The following ENPP1 variants were observed in gnomAD, a reference collection of about 807,000 sequenced individuals.
The protein encoded by ENPP1 is ectonucleotide pyrophosphatase/phosphodiesterase family member 1.
A neutral mutation model predicts 122.8 loss-of-function variants in ENPP1; 73 were observed. That is an observed-to-expected ratio of 0.59 (90% CI 0.49 to 0.72). The LOEUF is 0.72. ENPP1 is among the 30% of genes least tolerant of loss of function. The probability of loss-of-function intolerance (pLI) is 0.00; values close to 1 mark genes in which losing one functional copy is unlikely to be tolerated. For synonymous variants in ENPP1, 367 were observed against 391.6 expected (o/e 0.94, Z 0.74); for missense variants, 978 against 1,128.1 (o/e 0.87, Z 1.91).
chr6:131,811,432 A>ATC (rs1781353069), intron 1 of ENPP1, among the ~76,000 whole-genome samples: 1 of 146,902 alleles, frequency 6.8e-6, no homozygotes, highest in African/African-American at 2.7e-5. Context: ...ATCTATATCT[A>ATC]TATATATGTA....
At position 131,860,044 on chromosome 6, in the gene ENPP1, C is replaced by T. The variant is rs1371643679; in HGVS notation, c.796-343C>T. Among the ~76,000 whole-genome samples the T allele has an allele frequency of 2.0e-5, 3 of 152,142 alleles. No homozygotes were observed. In the East Asian group the frequency reaches 5.8e-4, roughly 29 times the overall value. ...GGGTTTCACCATGTTGGCAAATGGT[C>T]TCCATCTCTTGACCTCGTGATCCGC... is the stretch of plus-strand genomic sequence containing the variant. On this transcript the variant is annotated intron_variant, in intron 7 of 24. Transcript: ENST00000647893.
intron 1 of ENPP1, chr6:131,827,497 C>G: frequency 1.6e-6 from 1 of 628,742 alleles, no homozygotes. Flanking sequence ...AAGATTTCTG[C>G]GAAGGAATAG....
chr6:131,813,896 G>A (rs1008237832), intron 1 of ENPP1, among the ~76,000 whole-genome samples: 49 of 152,110 alleles, frequency 3.2e-4, no homozygotes, highest in African/African-American at 1.0e-3. Context: ...GAGCTGGTTC[G>A]TAGTCTCCTT....
intron 1 of ENPP1, among the ~76,000 whole-genome samples, chr6:131,845,728 G>A (rs1214542400): frequency 6.6e-6 from 1 of 152,014 alleles, no homozygotes; most frequent in Non-Finnish European, 1.5e-5. Context: ...CAAAGTGCCT[G>A]GCCGTTTGTG....
intron 3 of ENPP1, among the ~76,000 whole-genome samples, chr6:131,850,866 C>A (rs2114692231): frequency 6.6e-6 from 1 of 152,274 alleles, no homozygotes; most frequent in Non-Finnish European, 1.5e-5. Flanking sequence ...GTAGAAGAAG[C>A]CAGGTCTACA....
At chr6:131,874,916 A>G (rs1366926017) in intron 16 of ENPP1, among the ~76,000 whole-genome samples, 1 of 152,148 alleles carries the variant, frequency 6.6e-6, no homozygotes, top group Non-Finnish European at 1.5e-5. Flanking sequence ...TTGCAGCAAC[A>G]TGGATGGAAT....
chr6:131,874,751 G>A (rs903569183), intron 16 of ENPP1, among the ~76,000 whole-genome samples: 5 of 151,866 alleles, frequency 3.3e-5, no homozygotes, highest in South Asian at 2.1e-4. Flanking sequence ...TATGTTTATC[G>A]CAGCACTATT....
chr6:131,895,112 T>C lies in ENPP1; in HGVS notation c.*4601T>C, dbSNP rs1172115333. 1.3e-5 allele frequency: 2 copies of C among 152,246 alleles called. No homozygotes were observed. Among genetic ancestry groups the C allele is most frequent in the African/African-American group, 4.8e-5 (2 of 41,456 alleles). The allele number at this position is 152,246 out of a possible 1,614,324, so 9.4% of individuals were successfully genotyped here. Reference sequence around the variant, plus strand: ...AAAGTGTACGGAATATAATTGTCTCTAAGCTAAGAAATGTGGATGTTCAAA... The same window carrying C: ...AAAGTGTACGGAATATAATTGTCTCCAAGCTAAGAAATGTGGATGTTCAAA... On this transcript the variant is annotated 3_prime_UTR_variant, in exon 25 of 25. Transcript: ENST00000647893.
Position 131,891,603 on chromosome 6 carries a change from G to C in ENPP1, c.*1092G>C, listed in dbSNP as rs1299517987. On this transcript the variant is annotated 3_prime_UTR_variant, in exon 25 of 25. Transcript: ENST00000647893. ...ACTGCATTAACTTTTAGGCTACATA[G>C]GTCCAATTGAGGTATAATATCAGTA... The C allele has an allele frequency of 6.6e-6, 1 of 152,032 alleles. No homozygotes were observed. Among genetic ancestry groups the C allele is most frequent in the Admixed American group, 6.6e-5 (1 of 15,262 alleles). 9.4% of individuals were successfully genotyped at this position (152,032 alleles called of 1,614,324 possible). A position where few individuals can be genotyped will look rare whatever the true frequency, so the allele number is the denominator to read the frequency against.
chr6:131,874,956 CA>C (rs1378777798), intron 16 of ENPP1, among the ~76,000 whole-genome samples: 52 of 152,102 alleles, frequency 3.4e-4, no homozygotes, highest in African/African-American at 1.2e-3. Context: ...TGAAATAACT[CA>C]AACAAAAAGC....
intron 1 of ENPP1, among the ~76,000 whole-genome samples, chr6:131,811,376 A>ATATCTATATCTATATCTATATCTATATC (rs1407442478): frequency 4.6e-5 from 6 of 131,280 alleles, no homozygotes; most frequent in Non-Finnish European, 9.4e-5. Flanking sequence ...ATCTATATCT[A>ATATCTATATCTATATCTATATCTATATC]TATATCTATA....
intron 13 of ENPP1, among the ~76,000 whole-genome samples, chr6:131,869,839 G>A (rs1039443128): frequency 3.0e-5 from 4 of 134,020 alleles, no homozygotes; most frequent in African/African-American, 9.1e-5. Flanking sequence ...CTGGGCAACT[G>A]AGTGAGACTT....
At chr6:131,834,693 G>A (rs1781652704) in intron 1 of ENPP1, among the ~76,000 whole-genome samples, 2 of 152,022 alleles carry the variant, frequency 1.3e-5, no homozygotes, top group South Asian at 4.2e-4. Flanking sequence ...ACTACGCCCA[G>A]CTAATTTTTT....
intron 8 of ENPP1, 138 bp downstream of exon 8, chr6:131,860,644 T>C: frequency 1.5e-6 from 1 of 657,500 alleles, no homozygotes; most frequent in South Asian, 1.8e-5. Context: ...TAAATGGAGA[T>C]GAATGCTGAT....
At chr6:131,845,247 G>A (rs369460997) in intron 1 of ENPP1, among the ~76,000 whole-genome samples, 1 of 151,090 alleles carries the variant, frequency 6.6e-6, no homozygotes, top group Admixed American at 6.6e-5. Context: ...TGGCCAGGCT[G>A]GTCTTTAACT....
intron 9 of ENPP1, among the ~76,000 whole-genome samples, chr6:131,864,103 A>G (rs962692001): frequency 2.0e-5 from 3 of 152,208 alleles, no homozygotes; most frequent in Admixed American, 2.0e-4. Flanking sequence ...TCTGCTCAGG[A>G]AATACTGCGT....
chr6:131,831,264 T>C (rs1160880332), intron 1 of ENPP1, among the ~76,000 whole-genome samples: 1 of 152,148 alleles, frequency 6.6e-6, no homozygotes, highest in Admixed American at 6.5e-5. Context: ...TGTTTGAGAA[T>C]AGTTCTAGAT....
At chr6:131,826,487 A>G (rs1781547471) in intron 1 of ENPP1, 2 of 1,066,138 alleles carry the variant, frequency 1.9e-6, no homozygotes, top group Admixed American at 3.6e-5. Flanking sequence ...TTTAAGCAGG[A>G]AAGATTCTGA....
intron 20 of ENPP1, among the ~76,000 whole-genome samples, chr6:131,880,475 A>T (rs1223293883): frequency 6.6e-6 from 1 of 151,530 alleles, no homozygotes; most frequent in Non-Finnish European, 1.5e-5. Flanking sequence ...GAGGCAGGAG[A>T]ATGGTGTGAA....
Sources: gnomAD v4.1 joint callset for allele counts (sites outside exome capture counted in the v4.1 genomes callset) on GRCh38, gnomAD v4.1.1 for gene constraint, MANE v1.5 for transcripts, NCBI Gene and HGNC (gene_info 2026-07-23, HGNC 2026-07-21) for gene names.